TUBGCP2: variants seen among roughly 807,000 people sequenced by gnomAD.
TUBGCP2 encodes the protein gamma-tubulin complex component 2.
Under a neutral mutation model 92.2 loss-of-function variants are expected in TUBGCP2, and 55 were observed. The observed-to-expected ratio is 0.60, with a 90% confidence interval of 0.48 to 0.75. TUBGCP2 has a LOEUF of 0.75. TUBGCP2 is among the 30% of genes least tolerant of loss of function. The probability of loss-of-function intolerance (pLI) is 0.00; values close to 1 mark genes in which losing one functional copy is unlikely to be tolerated. For missense variants in TUBGCP2, 1,093 were observed against 1,188.9 expected, an observed-to-expected ratio of 0.92 and a Z score of 1.19; for synonymous variants, 533 against 505.2, an observed-to-expected ratio of 1.06 and a Z score of -0.74.
In TUBGCP2 at chr10:133,289,081, CTT is replaced by C. The variant is rs1316429260; in HGVS notation, c.1361-63_1361-62del. Reference sequence around the variant, plus strand: ...ATGGTCGATCTCAGGCCCCAGCTGTCTTTGTCTACACAGGAGGCAGTGGAATG... The same window carrying C: ...ATGGTCGATCTCAGGCCCCAGCTGTCTGTCTACACAGGAGGCAGTGGAATG... On this transcript the variant is annotated intron_variant, in intron 9 of 17. Transcript: ENST00000252936. 5.1e-6 allele frequency: 8 copies of C among 1,561,084 alleles called. No individual in the cohort carries two copies. The African/African-American group carries it at 8.1e-5, about 16-fold the overall frequency.
At chr10:133,309,312 C>T, upstream of TUBGCP2, 1 of 1,524,780 alleles carries the variant, frequency 6.6e-7, no homozygotes, top group African/African-American at 1.4e-5. Context: ...TGACTGGGGC[C>T]ACGGGTGTGG....
intron 1 of TUBGCP2, 150 bp from the exon 2 acceptor site, chr10:133,303,130 G>A: frequency 1.4e-6 from 1 of 713,614 alleles, no homozygotes; most frequent in Non-Finnish European, 2.3e-6. Context: ...CAACAGCCCA[G>A]CAGCCTCTCA....
upstream of TUBGCP2, chr10:133,310,023 T>A: frequency 6.2e-7 from 1 of 1,611,258 alleles, no homozygotes; most frequent in Non-Finnish European, 8.5e-7. Flanking sequence ...CCATTGGTGA[T>A]GGGCTCAGAG....
chr10:133,280,013 C>A, intron 17 of TUBGCP2, 112 bp from the exon 18 acceptor site: 1 of 1,482,650 alleles, frequency 6.7e-7, no homozygotes, highest in East Asian at 2.5e-5. Context: ...TCTGCGGGTG[C>A]GTGCTGGGCA....
upstream of TUBGCP2, chr10:133,311,924 C>T (rs528800092): frequency 2.1e-4 from 331 of 1,613,138 alleles, 1 homozygote; most frequent in Non-Finnish European, 2.5e-4. Context: ...GGCCGCAGCT[C>T]TTCTCATACT....
chr10:133,298,398 C>T (rs527746165), intron 4 of TUBGCP2, among the ~76,000 whole-genome samples: 8 of 152,324 alleles, frequency 5.3e-5, no homozygotes, highest in Admixed American at 2.0e-4. Flanking sequence ...GTGGGAACCA[C>T]GGGAGAGGGT....
Position 133,302,956 on chromosome 10 carries a change from G to T in TUBGCP2, c.-15C>A, listed in dbSNP as rs377073560. ...AATTCACTCATAGTTTTAGCTCTGA[G>T]GCACGAACATCACAATATGTTCTCC... On this transcript the variant is annotated 5_prime_UTR_variant, in exon 2 of 18. Coordinates refer to ENST00000252936, the MANE Select transcript of TUBGCP2 (RefSeq NM_006659.4). 1 of 1,613,986 alleles carries T rather than the reference G, an allele frequency of 6.2e-7. No homozygotes were observed. The highest frequency in any genetic ancestry group is 8.5e-7 in the Non-Finnish European group (1 of 1,179,950).
At chr10:133,309,972 G>C, upstream of TUBGCP2, 1 of 1,612,852 alleles carries the variant, frequency 6.2e-7, no homozygotes, top group Non-Finnish European at 8.5e-7. Flanking sequence ...TGAGAGGCAG[G>C]ACATGGTGGG....
intron 1 of TUBGCP2, among the ~76,000 whole-genome samples, chr10:133,306,388 T>C (rs1158742330): frequency 1.3e-5 from 2 of 152,212 alleles, no homozygotes; most frequent in African/African-American, 4.8e-5. Flanking sequence ...ACTTTGGTCA[T>C]GCTAGGTGGC....
chr10:133,286,378 C>T (rs1460255366), intron 11 of TUBGCP2, among the ~76,000 whole-genome samples: 2 of 152,182 alleles, frequency 1.3e-5, no homozygotes, highest in East Asian at 1.9e-4. Flanking sequence ...TATTCCTGCT[C>T]CTAACAAGAG....
Position 133,279,697 on chromosome 10 carries a change from GA to G in TUBGCP2, c.*68del, listed in dbSNP as rs1447749872. The G allele has an allele frequency of 6.8e-7, 1 of 1,473,306 alleles. No homozygotes were observed. Among genetic ancestry groups the G allele is most frequent in the Non-Finnish European group, 9.0e-7 (1 of 1,110,608 alleles). 91.3% of individuals were successfully genotyped at this position (1,473,306 alleles called of 1,614,324 possible). ...AGACAGAACACAGAGCATTCGATTT[GA>G]AAATTCTGGACCCATTTGCACCAGT... On this transcript the variant is annotated 3_prime_UTR_variant, in exon 18 of 18. Coordinates refer to ENST00000252936, the MANE Select transcript of TUBGCP2 (RefSeq NM_006659.4).
chr10:133,286,842 T>A (rs3008339), intron 11 of TUBGCP2, among the ~76,000 whole-genome samples: 1 of 152,138 alleles, frequency 6.6e-6, no homozygotes, highest in African/African-American at 2.4e-5. Flanking sequence ...AAACAGAAAT[T>A]ATGACGCTAG....
intron 5 of TUBGCP2, 93 bp from the exon 6 acceptor site, chr10:133,293,862 T>A: frequency 8.0e-7 from 1 of 1,255,980 alleles, no homozygotes. Context: ...TCACTCTTGC[T>A]CATCTTTGTT....
intron 4 of TUBGCP2, among the ~76,000 whole-genome samples, chr10:133,298,892 A>C (rs1324092253): frequency 3.9e-5 from 6 of 152,248 alleles, no homozygotes; most frequent in Non-Finnish European, 7.3e-5. Context: ...ACACAGCTCC[A>C]AAGGGAGTTT....
chr10:133,283,113 T>C lies in TUBGCP2; in HGVS notation c.2254A>G (p.Met752Val). Residue 752 changes from methionine (M) to valine (V), a missense_variant, in exon 15 of 18, where the codon ATG becomes GTG. Met to Val is a conservative substitution (Grantham distance 21). Coordinates refer to ENST00000252936, the MANE Select transcript of TUBGCP2 (RefSeq NM_006659.4). ...TTGGTGAACATGACGCACACAGACATGAGCTTGGAGAAGACCTTCAGCAGC... is the reference window on the plus strand; with the variant it reads ...TTGGTGAACATGACGCACACAGACACGAGCTTGGAGAAGACCTTCAGCAGC... ...PELLKVFSKL[M>V]SVCVMFTNCM... The C allele has an allele frequency of 6.2e-7, 1 of 1,614,172 alleles. No homozygotes were observed. Among genetic ancestry groups the C allele is most frequent in the Admixed American group, 1.7e-5 (1 of 60,030 alleles).
chr10:133,292,775 TC>T, intron 7 of TUBGCP2, 87 bp from the exon 8 acceptor site: 1 of 1,454,102 alleles, frequency 6.9e-7, no homozygotes. Context: ...CTCATGCTTC[TC>T]CAACCTTCTT....
intron 16 of TUBGCP2, chr10:133,281,645 C>T: frequency 1.6e-6 from 1 of 643,444 alleles, no homozygotes; most frequent in South Asian, 2.1e-5. Context: ...CACTCCAGGC[C>T]TCGTGGGATG....
chr10:133,288,323 C>T lies in TUBGCP2; in HGVS notation c.1542-14G>A, dbSNP rs751548689. The T allele has an allele frequency of 1.2e-6, 2 of 1,611,032 alleles. No homozygotes were observed. Among genetic ancestry groups the T allele is most frequent in the South Asian group, 2.2e-5 (2 of 90,944 alleles). ...CGCTTGATGGACCTGCGCCAGGGAG[C>T]AGGCGTGAGCAGGTGCCCACCCGCA... On this transcript the variant is annotated splice_polypyrimidine_tract_variant and intron_variant, in intron 10 of 17. Coordinates refer to ENST00000252936, the MANE Select transcript of TUBGCP2 (RefSeq NM_006659.4).
At chr10:133,293,490 T>G in intron 6 of TUBGCP2, 72 bp downstream of exon 6, 3 of 1,492,608 alleles carry the variant, frequency 2.0e-6, no homozygotes, top group Non-Finnish European at 2.7e-6. Flanking sequence ...GACGTCCCCA[T>G]GGTCATCAGG....
Sources: gnomAD v4.1 joint callset for allele counts (sites outside exome capture counted in the v4.1 genomes callset) on GRCh38, gnomAD v4.1.1 for gene constraint, MANE v1.5 for transcripts, NCBI Gene and HGNC (gene_info 2026-07-23, HGNC 2026-07-21) for gene names.